TMPRSS15: variants seen among roughly 807,000 people sequenced by gnomAD.
The protein encoded by TMPRSS15 is enteropeptidase.
In TMPRSS15, 128 loss-of-function variants were observed where a neutral mutation model predicts 125.3. The observed-to-expected ratio is 1.02, with a 90% CI of 0.89 to 1.18. The LOEUF is 1.18. TMPRSS15 is among the 50% of genes most tolerant of loss of function. TMPRSS15 has a pLI of 0.00. For missense variants in TMPRSS15, 1,283 were observed against 1,212.7 expected (o/e 1.06, Z -0.86); for synonymous variants, 446 against 423.2 (o/e 1.05, Z -0.66).
In TMPRSS15 at chr21:18,383,770, C is replaced by T; in HGVS notation, c.353G>A (p.Ser118Asn). 2 of 1,613,060 alleles carry T rather than the reference C, an allele frequency of 1.2e-6. No homozygotes were observed. Among genetic ancestry groups the T allele is most frequent in the South Asian group, 1.1e-5 (1 of 90,898 alleles). Residue 118 changes from serine to asparagine, a missense_variant, in exon 4 of 25, where the codon AGC becomes AAC. By Grantham distance (46) the Ser-to-Asn change is conservative (BLOSUM62 1). Transcript: ENST00000284885. ...NSRVLQFENG[S>N]IIVVFDLFFA... Reference sequence around the variant, plus strand: ...GAAAAGGTCAAATACGACTATAATGCTGCCATTTCTGCAAAGCAAAAGAGG... The same window carrying T: ...GAAAAGGTCAAATACGACTATAATGTTGCCATTTCTGCAAAGCAAAAGAGG...
At chr21:18,411,482 TAA>T (rs1170749773) in intron 1 of TMPRSS15, among the ~76,000 whole-genome samples, 1 of 152,182 alleles carries the variant, frequency 6.6e-6, no homozygotes, top group Non-Finnish European at 1.5e-5. Context: ...CTCTTTACAT[TAA>T]AAAGTCTTTT....
At chr21:18,433,680 A>AAAAAAAAAAAAAAAAAAAAT (rs2076221524) in intron 1 of TMPRSS15, among the ~76,000 whole-genome samples, 1 of 150,690 alleles carries the variant, frequency 6.6e-6, no homozygotes, top group Non-Finnish European at 1.5e-5. Context: ...AAAAAAAAAA[A>AAAAAAAAAAAAAAAAAAAAT]AAAAAAGAAA....
chr21:18,380,129 C>A (rs759952115), intron 4 of TMPRSS15, among the ~76,000 whole-genome samples: 23 of 150,838 alleles, frequency 1.5e-4, no homozygotes, highest in Non-Finnish European at 3.0e-4. Flanking sequence ...ATAGCTTCAT[C>A]ACCAAGGCAC....
At chr21:18,310,408 T>C (rs934842080) in intron 18 of TMPRSS15, among the ~76,000 whole-genome samples, 2 of 151,804 alleles carry the variant, frequency 1.3e-5, no homozygotes, top group African/African-American at 2.4e-5. Context: ...TTTCTTTACA[T>C]CAACAACCAA....
intron 1 of TMPRSS15, among the ~76,000 whole-genome samples, chr21:18,457,953 A>T (rs1978474141): frequency 6.6e-6 from 1 of 152,166 alleles, no homozygotes; most frequent in African/African-American, 2.4e-5. Flanking sequence ...AATGAACATC[A>T]TCTCCATCCG....
intron 6 of TMPRSS15, among the ~76,000 whole-genome samples, chr21:18,365,645 TCCTCCC>T (rs1187796307): frequency 0.015 from 1,523 of 102,884 alleles, 83 homozygotes; most frequent in African/African-American, 0.031. Flanking sequence ...TCTCTCTTTT[TCCTCCC>T]TTCCTTCCTT....
chr21:18,438,026 C>T (rs1157628685), intron 1 of TMPRSS15, among the ~76,000 whole-genome samples: 4 of 151,434 alleles, frequency 2.6e-5, no homozygotes, highest in East Asian at 1.9e-4. Context: ...CACATACACA[C>T]GTATGTTTAC....
intron 1 of TMPRSS15, among the ~76,000 whole-genome samples, chr21:18,424,702 C>A (rs1457528052): frequency 6.6e-6 from 1 of 151,844 alleles, no homozygotes; most frequent in Non-Finnish European, 1.5e-5. Context: ...ATGCATTATT[C>A]TTTGTAAAAA....
At chr21:18,336,666 T>G (rs1211669507) in intron 13 of TMPRSS15, among the ~76,000 whole-genome samples, 7 of 152,222 alleles carry the variant, frequency 4.6e-5, no homozygotes, top group Admixed American at 4.6e-4. Context: ...TTGCTTTGTT[T>G]TGTCTTGTTT....
intron 1 of TMPRSS15, among the ~76,000 whole-genome samples, chr21:18,455,684 C>A (rs545343006): frequency 1.3e-5 from 2 of 152,136 alleles, no homozygotes; most frequent in Non-Finnish European, 2.9e-5. Flanking sequence ...GAGGAGAAGA[C>A]CCCCTTGAGT....
At chr21:18,457,520 T>C (rs571355692) in intron 1 of TMPRSS15, among the ~76,000 whole-genome samples, 12 of 152,296 alleles carry the variant, frequency 7.9e-5, no homozygotes, top group African/African-American at 2.9e-4. Context: ...TGTGTGATTA[T>C]CTTTCCAGGA....
intron 1 of TMPRSS15, among the ~76,000 whole-genome samples, chr21:18,454,218 T>C (rs1238747831): frequency 3.3e-5 from 5 of 152,182 alleles, no homozygotes; most frequent in Admixed American, 3.3e-4. Flanking sequence ...AATGCTTTTG[T>C]AGAAAAATTG....
intron 3 of TMPRSS15, among the ~76,000 whole-genome samples, chr21:18,392,133 G>A (rs965705065): frequency 5.9e-5 from 9 of 152,188 alleles, no homozygotes; most frequent in African/African-American, 1.4e-4. Flanking sequence ...GACATGCCAC[G>A]GAGACATGTT....
At chr21:18,416,882 A>G (rs1197699896) in intron 1 of TMPRSS15, among the ~76,000 whole-genome samples, 1 of 152,116 alleles carries the variant, frequency 6.6e-6, no homozygotes, top group Non-Finnish European at 1.5e-5. Context: ...TAACGAGATT[A>G]CAAATCATTG....
chr21:18,367,542 A>C (rs1265630775), intron 6 of TMPRSS15, among the ~76,000 whole-genome samples: 1 of 152,186 alleles, frequency 6.6e-6, no homozygotes, highest in Non-Finnish European at 1.5e-5. Context: ...AAAGCTTTTA[A>C]ATCACAGTTT....
chr21:18,270,962 A>ATAAT (rs1366392554), intron 24 of TMPRSS15, among the ~76,000 whole-genome samples: 2 of 152,362 alleles, frequency 1.3e-5, no homozygotes, highest in East Asian at 1.9e-4. Flanking sequence ...AATCACTGGT[A>ATAAT]TAATAGAATA....
chr21:18,316,899 G>A (rs990659302), intron 16 of TMPRSS15, among the ~76,000 whole-genome samples: 11 of 152,234 alleles, frequency 7.2e-5, no homozygotes, highest in African/African-American at 2.6e-4. Flanking sequence ...AACTCCATGA[G>A]GGCCACTTGG....
At chr21:18,355,231 T>A (rs2075613170) in intron 8 of TMPRSS15, among the ~76,000 whole-genome samples, 1 of 151,822 alleles carries the variant, frequency 6.6e-6, no homozygotes, top group Non-Finnish European at 1.5e-5. Flanking sequence ...ATCTGCCTCT[T>A]TTTTCCTTTT....
In TMPRSS15 at chr21:18,403,783, G is replaced by C; in HGVS notation, c.-161C>G. 1 of 785,950 alleles carries C rather than the reference G, an allele frequency of 1.3e-6. No individual in the cohort carries two copies. The highest frequency in any genetic ancestry group is 1.6e-5 in the South Asian group (1 of 61,986). 48.7% of individuals were successfully genotyped at this position (785,950 alleles called of 1,614,324 possible). On this transcript the variant is annotated 5_prime_UTR_variant, in exon 1 of 25. Coordinates refer to ENST00000284885, the MANE Select transcript of TMPRSS15 (RefSeq NM_002772.3). ...GTAAGTGAGTTGTGTATGTCTCTTT[G>C]GCAAAATTATGTCTCTATACATTAA...
Sources: gnomAD v4.1 joint callset for allele counts (sites outside exome capture counted in the v4.1 genomes callset) on GRCh38, gnomAD v4.1.1 for gene constraint, MANE v1.5 for transcripts, NCBI Gene and HGNC (gene_info 2026-07-23, HGNC 2026-07-21) for gene names.